HERC3: variants seen among roughly 807,000 people sequenced by gnomAD.
HERC3 encodes probable E3 ubiquitin-protein ligase HERC3.
In HERC3, 58 loss-of-function variants were observed where a neutral mutation model predicts 129.9. That is an observed-to-expected ratio of 0.45 (90% CI 0.36 to 0.56). HERC3 has a LOEUF of 0.56. Among genes scored for constraint, HERC3 ranks in the 20% least tolerant of loss-of-function variants. HERC3 has a pLI of 0.00. For synonymous variants in HERC3, 430 were observed against 451.0 expected (o/e 0.95, Z 0.59); for missense variants, 835 against 1,244.2 (o/e 0.67, Z 4.95).
intron 23 of HERC3, chr4:88,696,388 C>T (rs2149338304): frequency 6.5e-6 from 1 of 152,690 alleles, no homozygotes; most frequent in Middle Eastern, 3.4e-3. Context: ...TACATCTCTT[C>T]AAGTAAATTA....
At chr4:88,611,655 T>C (rs1724337641) in intron 3 of HERC3, among the ~76,000 whole-genome samples, 1 of 151,990 alleles carries the variant, frequency 6.6e-6, no homozygotes, top group African/African-American at 2.4e-5. Flanking sequence ...AATTCCATGG[T>C]GGCCAACTCC....
chr4:88,550,702 A>C, the HERC3 span, among the ~76,000 whole-genome samples: 1 of 149,864 alleles, frequency 6.7e-6, no homozygotes, highest in African/African-American at 2.4e-5. Context: ...GAAAATGGCC[A>C]TACTGCCCAA....
the HERC3 span, among the ~76,000 whole-genome samples, chr4:88,548,041 T>C: frequency 1.2e-4 from 19 of 152,272 alleles, no homozygotes; most frequent in African/African-American, 4.6e-4. Context: ...TAATATCCCA[T>C]TGTGTGGATA....
intron 3 of HERC3, among the ~76,000 whole-genome samples, chr4:88,628,590 A>G (rs889205773): frequency 6.6e-6 from 1 of 152,172 alleles, no homozygotes; most frequent in Non-Finnish European, 1.5e-5. Flanking sequence ...ATCCCAATGC[A>G]GGGATGTTTT....
At chr4:88,590,887 CTTTTTTTTTT>C (rs11333423), upstream of HERC3, among the ~76,000 whole-genome samples, 3 of 137,734 alleles carry the variant, frequency 2.2e-5, no homozygotes, top group Non-Finnish European at 4.7e-5. Context: ...CTTTTTCTTT[CTTTTTTTTTT>C]TTTTTTGAGA....
intron 3 of HERC3, among the ~76,000 whole-genome samples, chr4:88,621,693 C>T (rs1311530729): frequency 6.6e-6 from 1 of 152,204 alleles, no homozygotes; most frequent in African/African-American, 2.4e-5. Context: ...CCTAGAAATT[C>T]TGCCTGCATT....
chr4:88,676,458 T>G, intron 18 of HERC3, 35 bp downstream of exon 18: 5 of 1,408,614 alleles, frequency 3.5e-6, no homozygotes, highest in Non-Finnish European at 5.0e-6. Context: ...TTCTTTTTAC[T>G]GTGTTTCTCC....
intron 10 of HERC3, among the ~76,000 whole-genome samples, chr4:88,661,896 T>A (rs1415686761): frequency 6.6e-6 from 1 of 152,168 alleles, no homozygotes; most frequent in African/African-American, 2.4e-5. Context: ...GGCAGATGAC[T>A]AATACCTTAA....
At chr4:88,609,453 G>T (rs969123675) in intron 3 of HERC3, among the ~76,000 whole-genome samples, 1 of 152,188 alleles carries the variant, frequency 6.6e-6, no homozygotes, top group Non-Finnish European at 1.5e-5. Flanking sequence ...TCACCATCCC[G>T]TGTAAAGGCT....
chr4:88,583,838 G>C, the HERC3 span: 1 of 152,194 alleles, frequency 6.6e-6, no homozygotes, highest in Non-Finnish European at 1.5e-5. Flanking sequence ...CTTTTTGATT[G>C]AGTTGACACT....
intron 3 of HERC3, among the ~76,000 whole-genome samples, chr4:88,611,745 G>A (rs1724347615): frequency 6.6e-6 from 1 of 152,186 alleles, no homozygotes; most frequent in South Asian, 2.1e-4. Context: ...TGTGAATGGA[G>A]TAATGCCTGA....
chr4:88,609,460 G>A (rs1006106447), intron 3 of HERC3, among the ~76,000 whole-genome samples: 1 of 152,214 alleles, frequency 6.6e-6, no homozygotes, highest in Admixed American at 6.5e-5. Flanking sequence ...CCCGTGTAAA[G>A]GCTGATACTG....
chr4:88,678,842 G>C (rs1732444753), intron 19 of HERC3, among the ~76,000 whole-genome samples: 1 of 152,156 alleles, frequency 6.6e-6, no homozygotes, highest in Non-Finnish European at 1.5e-5. Context: ...TTCCTAATAA[G>C]TAGCATCAGT....
At chr4:88,704,059 G>A in intron 23 of HERC3, 39 bp from the exon 24 acceptor site, 2 of 1,576,552 alleles carry the variant, frequency 1.3e-6, no homozygotes, top group Non-Finnish European at 1.7e-6. Context: ...AGCTTTACAA[G>A]ACTTTGAGCT....
intron 3 of HERC3, among the ~76,000 whole-genome samples, chr4:88,622,535 C>T (rs867184499): frequency 5.3e-5 from 8 of 152,074 alleles, no homozygotes; most frequent in African/African-American, 1.4e-4. Context: ...GGTAACTCTG[C>T]GTTTAGCCTT....
chr4:88,693,645 CAAT>C, intron 23 of HERC3: 1 of 981,052 alleles, frequency 1.0e-6, no homozygotes, highest in South Asian at 4.7e-5. Context: ...AATTTCACCT[CAAT>C]AAAGTGTGTA....
chr4:88,616,573 A>G (rs1415569527), intron 3 of HERC3, among the ~76,000 whole-genome samples: 3 of 152,214 alleles, frequency 2.0e-5, no homozygotes, highest in Non-Finnish European at 1.5e-5. Context: ...GGATGGAGAG[A>G]TAAATGACCT....
the HERC3 span, among the ~76,000 whole-genome samples, chr4:88,580,873 G>A: frequency 6.6e-6 from 1 of 152,182 alleles, no homozygotes; most frequent in East Asian, 1.9e-4. Context: ...TGAGGGAAGA[G>A]GAGTGTTATT....
intron 17 of HERC3, 45 bp downstream of exon 17, chr4:88,676,286 A>G: frequency 6.4e-7 from 1 of 1,570,802 alleles, no homozygotes; most frequent in African/African-American, 1.3e-5. Flanking sequence ...TTCCAGCTAT[A>G]CTTTCTGTGG....
Sources: gnomAD v4.1 joint callset for allele counts (sites outside exome capture counted in the v4.1 genomes callset) on GRCh38, gnomAD v4.1.1 for gene constraint, MANE v1.5 for transcripts, NCBI Gene and HGNC (gene_info 2026-07-23, HGNC 2026-07-21) for gene names.